The following RORA variants were observed in gnomAD, a reference collection of about 807,000 sequenced individuals.
RORA encodes nuclear receptor ROR-alpha.
In RORA, 7 loss-of-function variants were observed where a neutral mutation model predicts 69.5. The observed-to-expected ratio is 0.10, with a 90% CI of 0.06 to 0.19. The LOEUF (loss-of-function observed/expected upper bound fraction) is 0.19. Among genes scored for constraint, RORA ranks in the 10% least tolerant of loss-of-function variants. The pLI is 1.00. For synonymous variants in RORA, 261 were observed against 240.8 expected, an observed-to-expected ratio of 1.08 and a Z score of -0.78; for missense variants, 457 against 663.0, an observed-to-expected ratio of 0.69 and a Z score of 3.41.
intron 2 of RORA, among the ~76,000 whole-genome samples, chr15:60,550,184 G>A (rs1160212839): frequency 1.3e-5 from 2 of 152,264 alleles, no homozygotes; most frequent in Admixed American, 6.5e-5. Context: ...CCAGCTACTC[G>A]GGAGGCTGAG....
chr15:61,144,359 G>C (rs897470820), intron 1 of RORA, among the ~76,000 whole-genome samples: 3 of 152,296 alleles, frequency 2.0e-5, no homozygotes, highest in African/African-American at 7.2e-5. Context: ...TTGGATGTAG[G>C]GTATTCCGAG....
At chr15:60,765,144 C>G (rs563607884) in intron 1 of RORA, 4 of 152,082 alleles carry the variant, frequency 2.6e-5, no homozygotes, top group African/African-American at 9.6e-5. Flanking sequence ...TCCCAGGGCC[C>G]ATTTCTAATT....
chr15:60,607,189 A>G (rs1049816448), intron 2 of RORA, among the ~76,000 whole-genome samples: 9 of 152,220 alleles, frequency 5.9e-5, no homozygotes, highest in Admixed American at 5.2e-4. Flanking sequence ...CATAGGGGCA[A>G]AGAGCCAACC....
chr15:60,946,550 G>A (rs895286345), intron 1 of RORA, among the ~76,000 whole-genome samples: 4 of 152,212 alleles, frequency 2.6e-5, no homozygotes, highest in African/African-American at 7.2e-5. Flanking sequence ...GATTGCAGAC[G>A]GAGTCTCATT....
chr15:60,855,668 G>A (rs2073371930), intron 1 of RORA, among the ~76,000 whole-genome samples: 1 of 151,874 alleles, frequency 6.6e-6, no homozygotes, highest in African/African-American at 2.4e-5. Context: ...GCCCAGGCTG[G>A]ATTTTGCGGT....
chr15:61,024,326 C>T (rs548223847), intron 1 of RORA, among the ~76,000 whole-genome samples: 1 of 144,630 alleles, frequency 6.9e-6, no homozygotes, highest in Non-Finnish European at 1.5e-5. Context: ...GCCAAGTGCC[C>T]ACGCTGGAGT....
Position 61,226,238 on chromosome 15 carries a change from G to C in RORA, c.166+2815C>G, listed in dbSNP as rs1358038847. 6.6e-6 allele frequency among the ~76,000 whole-genome samples: 1 copy of C among 152,158 alleles called. No individual in the cohort carries two copies. Among genetic ancestry groups the C allele is most frequent in the Non-Finnish European group, 1.5e-5 (1 of 68,030 alleles). The stretch of plus-strand genomic sequence containing the variant: ...AGCTAAACCTGCTACCCTTTGGAAA[G>C]TATCTCCCAAATCAGAAAGCTTCCC... On this transcript the variant is annotated intron_variant, in intron 1 of 10. Transcript: ENST00000335670. The surrounding 1 kb of genome is among the most constrained non-coding windows in gnomAD (Gnocchi z 4.2).
intron 1 of RORA, among the ~76,000 whole-genome samples, chr15:60,910,290 G>C (rs1891666760): frequency 6.6e-6 from 1 of 152,186 alleles, no homozygotes; most frequent in Non-Finnish European, 1.5e-5. Flanking sequence ...AACCACAGTG[G>C]AAACTAACCC....
rs2065872246 is a variant in RORA, at chr15:60,515,969, ATATT to A, written c.283-1216_283-1213del. Among the ~76,000 whole-genome samples, 2 of 21,496 alleles carry A rather than the reference ATATT, an allele frequency of 9.3e-5. 1 individual carries two copies. The highest frequency in any genetic ancestry group is 1.6e-4 in the Non-Finnish European group (2 of 12,330). 14.1% of individuals were successfully genotyped at this position (21,496 alleles called of 152,430 possible). A position where few individuals can be genotyped will look rare whatever the true frequency, so the allele number is the denominator to read the frequency against. Reference sequence around the variant, plus strand: ...TATATTTATATATTTATATTTATATATATTTATATATTTATATATATTTATATAT... The same window carrying A: ...TATATTTATATATTTATATTTATATATATATATTTATATATATTTATATAT... On this transcript the variant is annotated intron_variant, in intron 3 of 10. Coordinates refer to ENST00000335670, the MANE Select transcript of RORA (RefSeq NM_134261.3).
intron 2 of RORA, among the ~76,000 whole-genome samples, chr15:60,578,160 G>T (rs139191290): frequency 6.6e-6 from 1 of 152,016 alleles, no homozygotes; most frequent in African/African-American, 2.4e-5. Context: ...AAAATACACC[G>T]GTATATTTTG....
chr15:60,505,316 A>G (rs1047673298), intron 6 of RORA, among the ~76,000 whole-genome samples, 192 bp downstream of exon 6: 1 of 152,222 alleles, frequency 6.6e-6, no homozygotes, highest in Non-Finnish European at 1.5e-5. Context: ...ATTATTTGCT[A>G]TTGCTGAAAT....
chr15:60,947,053 G>C (rs534566987), intron 1 of RORA, among the ~76,000 whole-genome samples: 1 of 87,162 alleles, frequency 1.1e-5, no homozygotes, highest in African/African-American at 3.0e-5. Context: ...CGCCCCGTCC[G>C]GGAGGGAGGT....
chr15:60,891,015 C>T lies in RORA; in HGVS notation c.167-212329G>A, dbSNP rs542218339. Among the ~76,000 whole-genome samples the T allele has an allele frequency of 9.9e-5, 15 of 152,228 alleles. No individual in the cohort carries two copies. In the South Asian group the frequency reaches 1.5e-3, roughly 15 times the overall value. On this transcript the variant is annotated intron_variant, in intron 1 of 10. Coordinates refer to ENST00000335670, the MANE Select transcript of RORA (RefSeq NM_134261.3). The stretch of plus-strand genomic sequence containing the variant: ...CGGTTGAATAGGATTCACAGTTCTC[C>T]GTGGGAAGGACCCACACCACAGCTA...
intron 1 of RORA, among the ~76,000 whole-genome samples, chr15:60,762,279 C>A (rs377482026): frequency 6.6e-6 from 1 of 152,172 alleles, no homozygotes; most frequent in Non-Finnish European, 1.5e-5. Flanking sequence ...AAGATAACAT[C>A]TCTGGGAGGC....
intron 1 of RORA, among the ~76,000 whole-genome samples, chr15:61,193,477 G>A (rs1398313361): frequency 6.6e-6 from 1 of 152,150 alleles, no homozygotes; most frequent in African/African-American, 2.4e-5. Flanking sequence ...GGAACTGCCT[G>A]TGAATAGAGA....
At chr15:60,922,438 T>C (rs1892076119) in intron 1 of RORA, among the ~76,000 whole-genome samples, 1 of 152,222 alleles carries the variant, frequency 6.6e-6, no homozygotes, top group Non-Finnish European at 1.5e-5. Context: ...TTGTAATTTC[T>C]GTTCAATCTT....
intron 1 of RORA, among the ~76,000 whole-genome samples, chr15:60,906,885 G>A (rs1891558443): frequency 6.6e-6 from 1 of 152,142 alleles, no homozygotes; most frequent in Non-Finnish European, 1.5e-5. Context: ...TTTGAGCTAA[G>A]AGCTGTACAT....
intron 2 of RORA, among the ~76,000 whole-genome samples, chr15:60,611,116 A>G (rs1486676626): frequency 6.6e-6 from 1 of 152,170 alleles, no homozygotes; most frequent in East Asian, 1.9e-4. Context: ...TTGCATTTGG[A>G]GGTAAATAAA....
At chr15:60,925,500 G>A (rs1892188037) in intron 1 of RORA, among the ~76,000 whole-genome samples, 1 of 152,200 alleles carries the variant, frequency 6.6e-6, no homozygotes, top group Admixed American at 6.5e-5. Flanking sequence ...TACATTGTCT[G>A]TAGGCCCAGT....
Sources: allele counts gnomAD v4.1 joint callset (sites outside exome capture counted in the v4.1 genomes callset), GRCh38; gene constraint gnomAD v4.1.1; non-coding constraint Gnocchi (gnomAD v3.1); transcripts MANE v1.5; gene names NCBI Gene and HGNC (gene_info 2026-07-23, HGNC 2026-07-21).